The following TNNI2 variants were observed in gnomAD, a reference collection of about 807,000 sequenced individuals.
The protein encoded by TNNI2 is troponin I, fast skeletal muscle.
Under a neutral mutation model 26.5 loss-of-function variants are expected in TNNI2, and 14 were observed. The ratio of observed to expected loss-of-function variants is 0.53; its 90% CI spans 0.35 to 0.83. The LOEUF (loss-of-function observed/expected upper bound fraction) is 0.83. TNNI2 is among the 40% of genes least tolerant of loss of function. The probability of loss-of-function intolerance (pLI) is 0.01; values close to 1 mark genes in which losing one functional copy is unlikely to be tolerated. For missense variants in TNNI2, 205 were observed against 248.5 expected, an observed-to-expected ratio of 0.82 and a Z score of 1.18; for synonymous variants, 126 against 97.6, an observed-to-expected ratio of 1.29 and a Z score of -1.71.
chr11:1,839,402 G>C (rs959017580), intron 1 of TNNI2: 1 of 521,398 alleles, frequency 1.9e-6, no homozygotes, highest in South Asian at 2.5e-5. Flanking sequence ...GGCCACCTGC[G>C]CTGGCCCATC....
chr11:1,840,951 G>A (rs753086757), intron 6 of TNNI2, 43 bp downstream of exon 6: 19 of 1,599,894 alleles, frequency 1.2e-5, no homozygotes, highest in Admixed American at 1.7e-5. Context: ...GTAGGCGGTG[G>A]CCCAGCGGGC....
chr11:1,841,324 C>A, intron 7 of TNNI2, 117 bp downstream of exon 7: 1 of 1,535,812 alleles, frequency 6.5e-7, no homozygotes, highest in Non-Finnish European at 8.9e-7. Flanking sequence ...TGTACCACTG[C>A]CCCTCCAGGG....
intron 1 of TNNI2, 66 bp from the exon 2 acceptor site, chr11:1,839,609 C>T: frequency 5.0e-6 from 8 of 1,588,230 alleles, no homozygotes; most frequent in Non-Finnish European, 6.9e-6. Flanking sequence ...TCACCACCTA[C>T]CTGATGGGCA....
rs1001708492 is a variant in TNNI2 at position 1,841,635 on chromosome 11, G to C, written c.*84G>C. The C allele has an allele frequency of 2.3e-6, 3 of 1,288,678 alleles. No individual in the cohort carries two copies. The Admixed American group carries it at 5.4e-5, about 23-fold the overall frequency. 79.8% of individuals were successfully genotyped at this position (1,288,678 alleles called of 1,614,324 possible). On this transcript the variant is annotated 3_prime_UTR_variant, in exon 8 of 8. Coordinates refer to ENST00000381911, the MANE Select transcript of TNNI2 (RefSeq NM_003282.4). ...AGATGCACCCAGAGCCTGCCAGGGA[G>C]GGCTGGCCTCACCACCACCGTCAAT...
chr11:1,841,219 G>T lies in TNNI2; in HGVS notation c.453+12G>T, dbSNP rs755654385. ...AGGACACAGAGAAGGTGCGTGCCAC[G>T]GGGGGAGCACCACCACACCTACCCT... On this transcript the variant is annotated intron_variant, in intron 7 of 7. Coordinates refer to ENST00000381911, the MANE Select transcript of TNNI2 (RefSeq NM_003282.4). 1.2e-6 allele frequency: 2 copies of T among 1,609,106 alleles called. No homozygotes were observed. Among genetic ancestry groups the T allele is most frequent in the Non-Finnish European group, 8.5e-7 (1 of 1,179,690 alleles).
Position 1,840,545 on chromosome 11 carries a change from A to G in TNNI2, c.75A>G (p.Ile25Met), listed in dbSNP as rs779806810. ...RQHLKSVMLQ[I>M]AATELEKEES... ...CACCGCAGAGTGTGATGCTGCAGAT[A>G]GCGGCCACGGAGCTGGAGAAGGAGG... The change falls in exon 5 of 8, where the codon ATA (isoleucine) becomes ATG (methionine). Residue 25 changes from isoleucine (I) to methionine (M), a missense_variant. Ile to Met is a conservative substitution (Grantham distance 10). Coordinates refer to ENST00000381911, the MANE Select transcript of TNNI2 (RefSeq NM_003282.4). 6.2e-7 allele frequency: 1 copy of G among 1,612,422 alleles called. No individual in the cohort carries two copies. Among genetic ancestry groups the G allele is most frequent in the Non-Finnish European group, 8.5e-7 (1 of 1,179,744 alleles).
In TNNI2 at chr11:1,841,212, G is replaced by C. The variant is rs748718210; in HGVS notation, c.453+5G>C. 2.5e-6 allele frequency: 4 copies of C among 1,610,832 alleles called. No homozygotes were observed. The highest frequency in any genetic ancestry group is 1.1e-5 in the South Asian group (1 of 91,044). On this transcript the variant is annotated splice_donor_5th_base_variant and intron_variant, in intron 7 of 7. Coordinates refer to ENST00000381911, the MANE Select transcript of TNNI2 (RefSeq NM_003282.4). ...AAGAAGGAGGACACAGAGAAGGTGC[G>C]TGCCACGGGGGGAGCACCACCACAC...
At chr11:1,840,071 G>A (rs1847128373) in intron 3 of TNNI2, 1 of 1,086,796 alleles carries the variant, frequency 9.2e-7, no homozygotes, top group South Asian at 1.5e-5. Flanking sequence ...GCTGTGGCCT[G>A]GTCACAGGGG....
At chr11:1,840,352 G>A in intron 3 of TNNI2, 51 bp from the exon 4 acceptor site, 1 of 1,576,070 alleles carries the variant, frequency 6.3e-7, no homozygotes, top group Non-Finnish European at 8.6e-7. Flanking sequence ...GGGGGTGGGG[G>A]TGCTCCAGGC....
chr11:1,840,512 G>A lies in TNNI2; in HGVS notation c.58-16G>A, dbSNP rs747336020. 3.4e-5 allele frequency: 54 copies of A among 1,611,002 alleles called. No homozygotes were observed. Among genetic ancestry groups the A allele is most frequent in the Non-Finnish European group, 4.2e-5 (50 of 1,179,380 alleles). On this transcript the variant is annotated splice_polypyrimidine_tract_variant and intron_variant, in intron 4 of 7. Transcript: ENST00000381911. ...GGGGAGCTGGCTGCAGCCCCTCACCGCCTGCCCCACCGCAGAGTGTGATGC... is the reference window on the plus strand; with the variant it reads ...GGGGAGCTGGCTGCAGCCCCTCACCACCTGCCCCACCGCAGAGTGTGATGC...
Position 1,840,928 on chromosome 11 carries a change from C to G in TNNI2, c.276+20C>G, listed in dbSNP as rs373526677. 19 of 1,607,310 alleles carry G rather than the reference C, an allele frequency of 1.2e-5. No individual in the cohort carries two copies. Among genetic ancestry groups the G allele is most frequent in the Non-Finnish European group, 1.6e-5 (19 of 1,177,122 alleles). On this transcript the variant is annotated intron_variant, in intron 6 of 7. Coordinates refer to ENST00000381911, the MANE Select transcript of TNNI2 (RefSeq NM_003282.4). Reference sequence around the variant, plus strand: ...AAGGAGGTGAGTGGTGGCGGCGGGCCGGCGGCAGGCGGGTAGGCGGTGGCC... The same window carrying G: ...AAGGAGGTGAGTGGTGGCGGCGGGCGGGCGGCAGGCGGGTAGGCGGTGGCC...
chr11:1,841,413 T>G (rs2133035923), intron 7 of TNNI2, 43 bp from the exon 8 acceptor site: 2 of 1,603,616 alleles, frequency 1.2e-6, no homozygotes, highest in Non-Finnish European at 8.5e-7. Flanking sequence ...GGTGCGTGCA[T>G]AAGTGGGTGA....
In TNNI2 at chr11:1,840,530, T is replaced by C. The variant is rs907610; in HGVS notation, c.60T>C (p.Ser20=). 1,403,128 of 1,611,762 alleles carry C rather than the reference T, an allele frequency of 0.87. 613,286 individuals are homozygous for C. The highest frequency in any genetic ancestry group is 0.99 in the East Asian group (44,442 of 44,846). Residue 20 remains serine (S), a splice_region_variant and synonymous_variant, in exon 5 of 8, where the codon AGT becomes AGC. Coordinates refer to ENST00000381911, the MANE Select transcript of TNNI2 (RefSeq NM_003282.4). ...CCTCACCGCCTGCCCCACCGCAGAG[T>C]GTGATGCTGCAGATAGCGGCCACGG... ...AITARRQHLK[S]VMLQIAATEL...
rs992079663 is a variant in TNNI2, at chr11:1,840,198, C to T, written c.16-205C>T. The T allele has an allele frequency of 1.9e-6, 3 of 1,551,038 alleles. No individual in the cohort carries two copies. The African/African-American group carries it at 4.1e-5, about 21-fold the overall frequency. On this transcript the variant is annotated intron_variant, in intron 3 of 7. Coordinates refer to ENST00000381911, the MANE Select transcript of TNNI2 (RefSeq NM_003282.4). The stretch of plus-strand genomic sequence containing the variant: ...CCTCCCAGCACCATGTGCCACCTGG[C>T]AAAGTGTCACACACCACACAGCACC...
rs199691669 is a variant in TNNI2, at chr11:1,841,570, G to T, written c.*19G>T. Reference sequence around the variant, plus strand: ...GTCCTAGGCCACTCGCTGCCCCTACGCCTGCCCCGGTGCCCGGCTCCCAGC... The same window carrying T: ...GTCCTAGGCCACTCGCTGCCCCTACTCCTGCCCCGGTGCCCGGCTCCCAGC... On this transcript the variant is annotated 3_prime_UTR_variant, in exon 8 of 8. Coordinates refer to ENST00000381911, the MANE Select transcript of TNNI2 (RefSeq NM_003282.4). 114 of 1,611,100 alleles carry T rather than the reference G, an allele frequency of 7.1e-5. No homozygotes were observed. The highest frequency in any genetic ancestry group is 9.4e-5 in the Non-Finnish European group (111 of 1,177,642).
At position 1,840,129 on chromosome 11, in the gene TNNI2, G is replaced by T. The variant is rs1349761283; in HGVS notation, c.15+274G>T. ...CTGCACTTCCCGCCCCCACCTCACC[G>T]GCCGACCTGCCCCCAACTGGCCCTC... On this transcript the variant is annotated intron_variant, in intron 3 of 7. Transcript: ENST00000381911. 3.8e-6 allele frequency: 4 copies of T among 1,063,136 alleles called. No individual in the cohort carries two copies. The African/African-American group carries it at 4.8e-5, about 13-fold the overall frequency. The allele number at this position is 1,063,136 out of a possible 1,614,324, so 65.9% of individuals were successfully genotyped here. A position where few individuals can be genotyped will look rare whatever the true frequency, so the allele number is the denominator to read the frequency against.
rs763177134 is a variant in TNNI2, at chr11:1,841,464, C to A, written c.462C>A (p.Asp154Glu). The change falls in exon 8 of 8, where the codon GAC (aspartate) becomes GAA (glutamate). Residue 154 changes from aspartate to glutamate, a missense_variant. Asp to Glu is a conservative substitution (Grantham distance 45, BLOSUM62 2). Coordinates refer to ENST00000381911, the MANE Select transcript of TNNI2 (RefSeq NM_003282.4). ...TGCCCTCTCCTCCACAGGAGCGGGA[C>A]CTGCGAGACGTGGGTGACTGGAGGA... is the stretch of plus-strand genomic sequence containing the variant. ...VKKEDTEKERDLRDVGDWRKN... is the reference protein window; with the variant it reads ...VKKEDTEKERELRDVGDWRKN... 5.0e-6 allele frequency: 8 copies of A among 1,614,110 alleles called. No homozygotes were observed. Among genetic ancestry groups the A allele is most frequent in the Non-Finnish European group, 6.8e-6 (8 of 1,180,006 alleles).
At position 1,841,087 on chromosome 11, in the gene TNNI2, A is replaced by G. The variant is rs201133081; in HGVS notation, c.333A>G (p.Pro111=). 904 of 1,613,188 alleles carry G rather than the reference A, an allele frequency of 5.6e-4. 4 individuals are homozygous for G. The Middle Eastern group carries it at 6.9e-3, about 12-fold the overall frequency. ...TGCGGGGCAAGTTCAAGCGGCCCCC[A>G]CTGCGGAGGGTGCGCATGTCGGCCG... ...FDLRGKFKRP[P]LRRVRMSADA... The change falls in exon 7 of 8, where the codon CCA becomes CCG. Residue 111 remains proline (P), a synonymous_variant. Transcript: ENST00000381911.
At position 1,841,550 on chromosome 11, in the gene TNNI2, A is replaced by C; in HGVS notation, c.548A>C (p.Ter183SerextTer37). The change falls in exon 8 of 8, where the codon TAG (stop) becomes TCG (serine). Residue 183 changes from the stop codon to serine, a stop_lost. Coordinates refer to ENST00000381911, the MANE Select transcript of TNNI2 (RefSeq NM_003282.4). ...GRKKMFESES[*>S] is the part of the protein sequence containing the mutation. ...AAGAAGATGTTTGAGTCCGAGTCCT[A>C]GGCCACTCGCTGCCCCTACGCCTGC... The C allele has an allele frequency of 6.2e-7, 1 of 1,613,944 alleles. No individual in the cohort carries two copies. Among genetic ancestry groups the C allele is most frequent in the Non-Finnish European group, 8.5e-7 (1 of 1,179,872 alleles).
Sources: allele counts gnomAD v4.1 joint callset, GRCh38; gene constraint gnomAD v4.1.1; transcripts MANE v1.5; gene names NCBI Gene and HGNC (gene_info 2026-07-23, HGNC 2026-07-21).